The following PITPNM3 variants were observed in gnomAD, a reference collection of about 807,000 sequenced individuals.
PITPNM3 encodes membrane-associated phosphatidylinositol transfer protein 3.
Under a neutral mutation model 102.0 loss-of-function variants are expected in PITPNM3, and 26 were observed. The observed-to-expected ratio is 0.25, with a 90% CI of 0.19 to 0.35. The LOEUF (loss-of-function observed/expected upper bound fraction) is 0.35, where lower values mean the gene tolerates loss of function less well. PITPNM3 is among the 10% of genes least tolerant of loss of function. The pLI, the probability that PITPNM3 is intolerant of heterozygous loss-of-function variation, is 1.00. For synonymous variants in PITPNM3, 578 were observed against 558.6 expected (o/e 1.03, Z -0.49); for missense variants, 1,083 against 1,346.1 (o/e 0.80, Z 3.06).
intron 4 of PITPNM3, among the ~76,000 whole-genome samples, chr17:6,492,491 A>C (rs979012606): frequency 6.6e-6 from 1 of 152,234 alleles, no homozygotes; most frequent in Non-Finnish European, 1.5e-5. Flanking sequence ...ATAAAAGGAT[A>C]AGAAATGCTT....
At chr17:6,463,153 G>A (rs17730981) in intron 17 of PITPNM3, among the ~76,000 whole-genome samples, 3,839 of 152,204 alleles carry the variant, frequency 0.025, 60 homozygotes, top group Non-Finnish European at 0.04. Context: ...AGCCAGGCCC[G>A]TCTTCTCTCC....
chr17:6,528,851 C>T (rs1908988347), intron 2 of PITPNM3, among the ~76,000 whole-genome samples: 1 of 152,164 alleles, frequency 6.6e-6, no homozygotes, highest in Non-Finnish European at 1.5e-5. Flanking sequence ...GCAGCAATAT[C>T]TCCTTTTGGA....
chr17:6,498,326 C>T (rs1347918130), intron 4 of PITPNM3, among the ~76,000 whole-genome samples: 2 of 152,232 alleles, frequency 1.3e-5, no homozygotes. Flanking sequence ...CTTAGAGAGT[C>T]CACGCTCCTC....
At chr17:6,551,721 A>C (rs1443269380) in intron 1 of PITPNM3, among the ~76,000 whole-genome samples, 2 of 152,012 alleles carry the variant, frequency 1.3e-5, no homozygotes, top group Admixed American at 6.6e-5. Flanking sequence ...TATGAAAAAA[A>C]AAGTATTAAA....
intron 8 of PITPNM3, 107 bp downstream of exon 8, chr17:6,477,868 G>A (rs2150731728): frequency 6.4e-7 from 1 of 1,564,228 alleles, no homozygotes. Flanking sequence ...ACTTCTTTGT[G>A]ACCTGGATGT....
At chr17:6,465,877 G>A (rs1597363834) in intron 14 of PITPNM3, among the ~76,000 whole-genome samples, 2 of 152,054 alleles carry the variant, frequency 1.3e-5, no homozygotes, top group African/African-American at 4.8e-5. Flanking sequence ...TTCATCTCTC[G>A]CACAGCCACA....
At chr17:6,503,644 G>A in intron 3 of PITPNM3, 70 bp from the exon 4 acceptor site, 1 of 1,473,732 alleles carries the variant, frequency 6.8e-7, no homozygotes, top group Non-Finnish European at 9.3e-7. Context: ...TCCCAGGGAG[G>A]CTGCTTGGAG....
At chr17:6,552,403 G>A (rs1910360545) in intron 1 of PITPNM3, among the ~76,000 whole-genome samples, 1 of 152,142 alleles carries the variant, frequency 6.6e-6, no homozygotes, top group Non-Finnish European at 1.5e-5. Context: ...GGAAGGGAGG[G>A]GCAGTGTGGC....
chr17:6,545,017 G>T (rs955841872), intron 1 of PITPNM3, among the ~76,000 whole-genome samples: 16 of 152,256 alleles, frequency 1.1e-4, no homozygotes, highest in African/African-American at 3.9e-4. Context: ...TGACTGTCAA[G>T]CCCCGCCTCC....
rs186009079 is a variant in PITPNM3, at chr17:6,471,177, G to A, written c.1608C>T (p.Pro536=). 1.1e-5 allele frequency: 18 copies of A among 1,612,594 alleles called. No homozygotes were observed. Among genetic ancestry groups the A allele is most frequent in the East Asian group, 8.9e-5 (4 of 44,868 alleles). ...ESSESSDSMA[P]VGASRITAKW... ...CTCACTCACTGCGGGAGGCACCCACGGGTGCCATGCTGTCCGAGGACTCCG... is the reference window on the plus strand; with the variant it reads ...CTCACTCACTGCGGGAGGCACCCACAGGTGCCATGCTGTCCGAGGACTCCG... The change falls in exon 12 of 20, where the codon CCC becomes CCT. Residue 536 remains proline, a synonymous_variant. Transcript: ENST00000262483.
chr17:6,544,984 C>T (rs1019870247), intron 1 of PITPNM3, among the ~76,000 whole-genome samples: 1 of 152,082 alleles, frequency 6.6e-6, no homozygotes, highest in Non-Finnish European at 1.5e-5. Context: ...ACAGCCTGGC[C>T]GAGGCTCCTG....
chr17:6,524,340 G>C lies in PITPNM3; in HGVS notation c.226+1016C>G, dbSNP rs184972888. 1.2e-4 allele frequency among the ~76,000 whole-genome samples: 18 copies of C among 152,308 alleles called. No homozygotes were observed. The East Asian group carries it at 3.5e-3, about 29-fold the overall frequency. ...TAAAGTAGGAGGAGTGGTATGTGGG[G>C]TGGGGAAGGAGGGATGGAAGAAACC... On this transcript the variant is annotated intron_variant, in intron 3 of 19. Coordinates refer to ENST00000262483, the MANE Select transcript of PITPNM3 (RefSeq NM_031220.4).
At position 6,468,271 on chromosome 17, in the gene PITPNM3, T is replaced by C. The variant is rs772800061; in HGVS notation, c.1844A>G (p.Asn615Ser). ...CTTACGAAGCCACTTCTCCCGGGGGTTGGCAGGACTCAGTGCTGCAGGGTC... is the reference window on the plus strand; with the variant it reads ...CTTACGAAGCCACTTCTCCCGGGGGCTGGCAGGACTCAGTGCTGCAGGGTC... ...RLDPAALSPA[N>S]PREKWLRKRT... The change falls in exon 14 of 20, where the codon AAC (asparagine) becomes AGC (serine). Residue 615 changes from asparagine (N) to serine (S), a missense_variant. By Grantham distance (46) the Asn-to-Ser change is conservative. Transcript: ENST00000262483. The surrounding 1 kb of genome is among the most constrained non-coding windows in gnomAD (Gnocchi z 5.2). The C allele has an allele frequency of 1.2e-6, 2 of 1,613,650 alleles. No homozygotes were observed. The highest frequency in any genetic ancestry group is 1.3e-5 in the African/African-American group (1 of 74,852).
chr17:6,508,791 T>C (rs886894071), intron 3 of PITPNM3, among the ~76,000 whole-genome samples: 1 of 152,056 alleles, frequency 6.6e-6, no homozygotes, highest in Non-Finnish European at 1.5e-5. Context: ...ATGAGGTAAG[T>C]GTGGCGCCCG....
intron 3 of PITPNM3, among the ~76,000 whole-genome samples, chr17:6,514,456 A>C (rs1908037608): frequency 6.6e-6 from 1 of 152,258 alleles, no homozygotes; most frequent in African/African-American, 2.4e-5. Context: ...TTCAGTAGAC[A>C]TTTCCCCAAA....
At position 6,470,153 on chromosome 17, in the gene PITPNM3, G is replaced by A. The variant is rs907885214; in HGVS notation, c.1773+107C>T. The A allele has an allele frequency of 2.3e-6, 3 of 1,325,650 alleles. No individual in the cohort carries two copies. The highest frequency in any genetic ancestry group is 3.1e-6 in the Non-Finnish European group (3 of 955,598). The allele number at this position is 1,325,650 out of a possible 1,614,324, so 82.1% of individuals were successfully genotyped here. On this transcript the variant is annotated intron_variant, in intron 13 of 19. Transcript: ENST00000262483. This position sits in a 1 kb window ranked among gnomAD's most constrained non-coding sequence, Gnocchi z 4.8. ...CCTTCCTCATGCTCTTAGGATCAAG[G>A]CCAAAAGCTGAACAGTGTCTGCAAG... is the stretch of plus-strand genomic sequence containing the variant.
intron 4 of PITPNM3, among the ~76,000 whole-genome samples, chr17:6,493,605 A>C (rs1906625953): frequency 6.6e-6 from 1 of 152,230 alleles, no homozygotes; most frequent in Non-Finnish European, 1.5e-5. Context: ...GGGAAGTTTC[A>C]TCCAGAGTCT....
intron 3 of PITPNM3, among the ~76,000 whole-genome samples, chr17:6,513,341 G>A (rs1442968363): frequency 6.6e-6 from 1 of 152,158 alleles, no homozygotes; most frequent in Non-Finnish European, 1.5e-5. Context: ...AAGCTATCCA[G>A]ATTGGAAAGG....
intron 4 of PITPNM3, among the ~76,000 whole-genome samples, chr17:6,492,393 CCT>C (rs903512081): frequency 1.3e-5 from 2 of 152,082 alleles, no homozygotes; most frequent in African/African-American, 4.8e-5. Context: ...CCAGCCACAA[CCT>C]CCTATTTTAG....
Sources: gnomAD v4.1 joint callset for allele counts (sites outside exome capture counted in the v4.1 genomes callset) on GRCh38, gnomAD v4.1.1 for gene constraint, Gnocchi (gnomAD v3.1) non-coding constraint, MANE v1.5 for transcripts, NCBI Gene and HGNC (gene_info 2026-07-23, HGNC 2026-07-21) for gene names.